Variants in TLN2 observed in about 807,000 individuals in gnomAD.
The protein encoded by TLN2 is talin-2.
TLN2 carries 118 observed loss-of-function variants against 294.7 expected under a neutral mutation model. The ratio of observed to expected loss-of-function variants is 0.40; its 90% CI spans 0.34 to 0.47. The LOEUF (loss-of-function observed/expected upper bound fraction) is 0.47, where lower values mean the gene tolerates loss of function less well. TLN2 is among the 20% of genes least tolerant of loss of function. TLN2 has a pLI of 0.84. For synonymous variants in TLN2, 1,431 were observed against 1,304.5 expected (o/e 1.10, Z -2.09); for missense variants, 3,083 against 3,282.2 (o/e 0.94, Z 1.48).
intron 3 of TLN2, chr15:62,645,005 G>T (rs140676177): frequency 3.0e-5 from 5 of 168,704 alleles, no homozygotes; most frequent in African/African-American, 1.2e-4. Flanking sequence ...ATGACAGCAT[G>T]GAGCTTTGTG....
At chr15:62,521,994 G>A (rs1444385817) in intron 1 of TLN2, among the ~76,000 whole-genome samples, 1 of 152,100 alleles carries the variant, frequency 6.6e-6, no homozygotes, top group Non-Finnish European at 1.5e-5. Flanking sequence ...TGGTCGTTTT[G>A]CCTAAACTCC....
chr15:62,647,210 G>GT lies in TLN2; in HGVS notation c.-36-56dup, dbSNP rs1263294421. 7,508 of 1,245,874 alleles carry GT rather than the reference G, an allele frequency of 6.0e-3. 2 individuals are homozygous for GT. The highest frequency in any genetic ancestry group is 0.01 in the South Asian group (612 of 60,978). 77.2% of individuals were successfully genotyped at this position (1,245,874 alleles called of 1,614,324 possible). A position where few individuals can be genotyped will look rare whatever the true frequency, so the allele number is the denominator to read the frequency against. ...GATTTTAAAGTCCAGCACTTTTTTT[G>GT]TTTTTTTTTCCCCAAGACAAATTAT... On this transcript the variant is annotated intron_variant, in intron 3 of 58. Coordinates refer to ENST00000636159, the MANE Select transcript of TLN2 (RefSeq NM_015059.3).
At chr15:62,610,727 T>C (rs1372434654) in intron 2 of TLN2, among the ~76,000 whole-genome samples, 1 of 152,212 alleles carries the variant, frequency 6.6e-6, no homozygotes, top group East Asian at 1.9e-4. Context: ...GTTTTGCTGT[T>C]CTGCACTCGT....
chr15:62,409,080 C>T (rs548238410), intron 1 of TLN2, among the ~76,000 whole-genome samples: 8 of 152,074 alleles, frequency 5.3e-5, no homozygotes, highest in African/African-American at 1.7e-4. Context: ...CAGGTTCAAG[C>T]GACTCTCCTG....
intron 34 of TLN2, 93 bp downstream of exon 34, chr15:62,750,584 G>A (rs2061876331): frequency 1.1e-5 from 12 of 1,072,314 alleles, no homozygotes; most frequent in Admixed American, 1.7e-5. Flanking sequence ...GCCTGTGGCT[G>A]GTCTGCAGGG....
chr15:62,583,895 T>C (rs1262276729), intron 1 of TLN2, among the ~76,000 whole-genome samples: 1 of 152,210 alleles, frequency 6.6e-6, no homozygotes, highest in African/African-American at 2.4e-5. Flanking sequence ...TCATGGCATC[T>C]CTGTTTTTTT....
chr15:62,817,356 T>A (rs1184477587), intron 52 of TLN2, among the ~76,000 whole-genome samples: 1 of 152,298 alleles, frequency 6.6e-6, no homozygotes, highest in African/African-American at 2.4e-5. Context: ...GTTCTTAATA[T>A]CTGCAGAATG....
rs1201965422 is a variant in TLN2 at position 62,717,647 on chromosome 15, C to T, written c.2835C>T (p.Asn945=). The change falls in exon 24 of 59, where the codon AAC becomes AAT. Residue 945 remains asparagine, a synonymous_variant. Coordinates refer to ENST00000636159, the MANE Select transcript of TLN2 (RefSeq NM_015059.3). ...CCTCCCAGAATGCAGCTGTTTCCAA[C>T]AAGAACCCTGCGGCCCAGCAGCAGC... is the stretch of plus-strand genomic sequence containing the variant. ...IAASQNAAVS[N]KNPAAQQQLV... 6.2e-7 allele frequency: 1 copy of T among 1,604,912 alleles called. No homozygotes were observed. Among genetic ancestry groups the T allele is most frequent in the Non-Finnish European group, 8.5e-7 (1 of 1,176,314 alleles).
At chr15:62,624,899 A>G (rs1041172169) in intron 3 of TLN2, among the ~76,000 whole-genome samples, 1 of 152,256 alleles carries the variant, frequency 6.6e-6, no homozygotes, top group Admixed American at 6.5e-5. Context: ...AGCCTGTCTT[A>G]ATCAGAGGCT....
intron 1 of TLN2, among the ~76,000 whole-genome samples, chr15:62,495,727 C>A (rs951295137): frequency 2.6e-5 from 4 of 152,156 alleles, no homozygotes; most frequent in Non-Finnish European, 4.4e-5. Flanking sequence ...ATTACTCCTC[C>A]TTTTTCCAGA....
At chr15:62,726,329 TTTAAAATGCA>T (rs1250943747) in intron 27 of TLN2, among the ~76,000 whole-genome samples, 1 of 152,222 alleles carries the variant, frequency 6.6e-6, no homozygotes, top group Non-Finnish European at 1.5e-5. Flanking sequence ...TGTTGCAAGG[TTTAAAATGCA>T]TTTGTTTTCT....
intron 1 of TLN2, among the ~76,000 whole-genome samples, chr15:62,403,127 A>G (rs373007880): frequency 6.6e-6 from 1 of 151,714 alleles, no homozygotes; most frequent in Non-Finnish European, 1.5e-5. Context: ...AGTCCCAGCT[A>G]CTCGGGAGGC....
At chr15:62,511,391 T>G (rs999349706) in intron 1 of TLN2, among the ~76,000 whole-genome samples, 1 of 152,266 alleles carries the variant, frequency 6.6e-6, no homozygotes, top group African/African-American at 2.4e-5. Context: ...TGTAGTCTTG[T>G]GAAAATTTCT....
intron 5 of TLN2, among the ~76,000 whole-genome samples, chr15:62,651,047 AT>A (rs2052531244): frequency 6.6e-6 from 1 of 152,226 alleles, no homozygotes; most frequent in Non-Finnish European, 1.5e-5. Context: ...GGTAAAATGT[AT>A]TTATAGTAAA....
intron 1 of TLN2, among the ~76,000 whole-genome samples, chr15:62,539,294 CAT>C (rs1488507575): frequency 2.0e-5 from 3 of 152,232 alleles, no homozygotes; most frequent in South Asian, 4.2e-4. Flanking sequence ...TACAGTAAAT[CAT>C]GTGTGTGCCA....
chr15:62,491,347 TATATACACACACAC>T (rs1399566963), intron 1 of TLN2, among the ~76,000 whole-genome samples: 23 of 82,306 alleles, frequency 2.8e-4, no homozygotes, highest in African/African-American at 9.2e-4. Flanking sequence ...AATATATATA[TATATACACACACAC>T]ACACACACAC....
At chr15:62,501,184 T>C (rs1370788389) in intron 1 of TLN2, among the ~76,000 whole-genome samples, 2 of 152,198 alleles carry the variant, frequency 1.3e-5, no homozygotes, top group Non-Finnish European at 2.9e-5. Flanking sequence ...CTGTTCATTG[T>C]TTAAAAAAAG....
chr15:62,816,976 T>C (rs1413745277), intron 52 of TLN2, among the ~76,000 whole-genome samples: 2 of 152,208 alleles, frequency 1.3e-5, no homozygotes, highest in African/African-American at 4.8e-5. Flanking sequence ...AAAATTCTTA[T>C]GCCCAGGCTA....
rs1354814836 is a variant in TLN2, at chr15:62,414,163, ACTATATAT to A, written c.-238+23479_-238+23486del. ...CAGTGAAGTGTTAGCAAAAAAAAAA[ACTATATAT>A]ATATATATATATATATATATAATTT... On this transcript the variant is annotated intron_variant, in intron 1 of 58. Coordinates refer to ENST00000636159, the MANE Select transcript of TLN2 (RefSeq NM_015059.3). Among the ~76,000 whole-genome samples, 3 of 37,364 alleles carry A rather than the reference ACTATATAT, an allele frequency of 8.0e-5. 1 individual carries two copies. Among genetic ancestry groups the A allele is most frequent in the South Asian group, 2.8e-3 (2 of 710 alleles). 24.5% of individuals were successfully genotyped at this position (37,364 alleles called of 152,430 possible).
Sources: allele counts gnomAD v4.1 joint callset (sites outside exome capture counted in the v4.1 genomes callset), GRCh38; gene constraint gnomAD v4.1.1; transcripts MANE v1.5; gene names NCBI Gene and HGNC (gene_info 2026-07-23, HGNC 2026-07-21).